DNASE1: variants seen among roughly 807,000 people sequenced by gnomAD.
DNASE1 encodes deoxyribonuclease 1.
DNASE1 carries 40 observed loss-of-function variants against 33.9 expected under a neutral mutation model. The ratio of observed to expected loss-of-function variants is 1.18; its 90% CI spans 0.92 to 1.54. The LOEUF (loss-of-function observed/expected upper bound fraction) is 1.54, where lower values mean the gene tolerates loss of function less well. Among genes scored for constraint, DNASE1 ranks in the 40% most tolerant of loss-of-function variants. DNASE1 has a pLI of 0.00. For synonymous variants in DNASE1, 216 were observed against 160.0 expected (o/e 1.35, Z -2.64); for missense variants, 518 against 372.6 (o/e 1.39, Z -3.21).
intron 1 of DNASE1, among the ~76,000 whole-genome samples, chr16:3,635,347 A>G (rs2041836937): frequency 6.6e-6 from 1 of 151,028 alleles, no homozygotes; most frequent in Non-Finnish European, 1.5e-5. Flanking sequence ...AATCCCAGCT[A>G]CTCAGGAGGC....
rs538444045 is a variant in DNASE1 at position 3,635,183 on chromosome 16, C to T, written c.-1358-5532C>T. On this transcript the variant is annotated intron_variant and NMD_transcript_variant, in intron 1 of 11. Coordinates refer to the DNASE1 transcript ENST00000570769. ...TTAAAAATAAGAAAAGTAGACCGGG[C>T]GTGGTGGCTTTTGCCTGTAATCCCA... is the stretch of plus-strand genomic sequence containing the variant. 2.5e-3 allele frequency among the ~76,000 whole-genome samples: 382 copies of T among 152,074 alleles called. 3 individuals carry two copies. Among genetic ancestry groups the T allele is most frequent in the African/African-American group, 8.9e-3 (370 of 41,488 alleles).
exon 10 of DNASE1, chr16:3,664,563 C>G (rs2050783178): frequency 7.9e-7 from 1 of 1,271,014 alleles, no homozygotes; most frequent in Non-Finnish European, 1.1e-6. Flanking sequence ...TCCTGGCACT[C>G]CAGGCTGGCC....
At chr16:3,630,691 A>T (rs2041670060) in intron 1 of DNASE1, among the ~76,000 whole-genome samples, 1 of 151,488 alleles carries the variant, frequency 6.6e-6, no homozygotes, top group South Asian at 2.1e-4. Flanking sequence ...ATGTTTTTCC[A>T]TCCTTTGACT....
intron 1 of DNASE1, among the ~76,000 whole-genome samples, chr16:3,615,044 T>A (rs2151151022): frequency 6.6e-6 from 1 of 152,250 alleles, no homozygotes; most frequent in African/African-American, 2.4e-5. Flanking sequence ...AACCTGAGAT[T>A]CTCAACTGAA....
At chr16:3,655,548 A>G (rs931600934) in intron 2 of DNASE1, 28 bp downstream of exon 2, 5 of 1,613,726 alleles carry the variant, frequency 3.1e-6, no homozygotes, top group Non-Finnish European at 4.2e-6. Context: ...TCCCCCCAAA[A>G]GCAGAGGAGC....
chr16:3,663,666 A>C (rs556127822), exon 10 of DNASE1: 1 of 1,455,736 alleles, frequency 6.9e-7, no homozygotes, highest in Admixed American at 2.0e-5. Context: ...AGCGGGCCAC[A>C]CTGGGGAACA....
chr16:3,658,817 G>C, downstream of DNASE1: 7 of 1,613,714 alleles, frequency 4.3e-6, no homozygotes, highest in Non-Finnish European at 5.9e-6. Flanking sequence ...GCTGAGCCAG[G>C]CCAGGCTCGC....
chr16:3,645,367 ACAT>A (rs2042142286), intron 1 of DNASE1, among the ~76,000 whole-genome samples: 1 of 152,206 alleles, frequency 6.6e-6, no homozygotes, highest in Non-Finnish European at 1.5e-5. Flanking sequence ...CTTGTTGGAA[ACAT>A]CAGCACACTG....
intron 1 of DNASE1, among the ~76,000 whole-genome samples, chr16:3,613,331 C>G (rs957291410): frequency 6.6e-6 from 1 of 152,146 alleles, no homozygotes; most frequent in East Asian, 1.9e-4. Flanking sequence ...TGCATAATCA[C>G]GTGTTTGGAT....
downstream of DNASE1, chr16:3,658,595 C>T: frequency 3.4e-6 from 2 of 596,788 alleles, no homozygotes; most frequent in South Asian, 2.1e-5. Context: ...ATTGCTTGAA[C>T]CCGGGAGGCA....
chr16:3,657,702 C>G lies in DNASE1; in HGVS notation c.705-18C>G, dbSNP rs200708151. On this transcript the variant is annotated intron_variant, in intron 7 of 8. Transcript: ENST00000246949. ...TGTGTGAAAGGGGAACCTACTTTCTCTTCCCAACACCCATCAGGATCGTGG... is the reference window on the plus strand; with the variant it reads ...TGTGTGAAAGGGGAACCTACTTTCTGTTCCCAACACCCATCAGGATCGTGG... 9.9e-6 allele frequency: 16 copies of G among 1,613,614 alleles called. No individual in the cohort carries two copies. Among genetic ancestry groups the G allele is most frequent in the Middle Eastern group, 1.7e-4 (1 of 5,952 alleles).
At chr16:3,627,608 T>C (rs970630365) in intron 1 of DNASE1, among the ~76,000 whole-genome samples, 10 of 152,178 alleles carry the variant, frequency 6.6e-5, no homozygotes, top group Non-Finnish European at 1.3e-4. Flanking sequence ...TGATATGATA[T>C]CCATGTTCTT....
upstream of DNASE1, among the ~76,000 whole-genome samples, chr16:3,638,017 C>T (rs1410136391): frequency 2.6e-5 from 4 of 151,924 alleles, no homozygotes; most frequent in African/African-American, 9.7e-5. Context: ...TCCTGACATG[C>T]CTCACTGAAG....
At chr16:3,663,616 A>G in exon 10 of DNASE1, 1 of 1,607,314 alleles carries the variant, frequency 6.2e-7, no homozygotes, top group Non-Finnish European at 8.5e-7. Flanking sequence ...CAGCCACCAC[A>G]GAAGAAAGGA....
intron 1 of DNASE1, among the ~76,000 whole-genome samples, chr16:3,613,313 T>G (rs902559978): frequency 6.6e-6 from 1 of 152,258 alleles, no homozygotes; most frequent in Non-Finnish European, 1.5e-5. Context: ...TGCATGCCTT[T>G]TCATGGCTGC....
chr16:3,641,743 T>C (rs1314323606), upstream of DNASE1, among the ~76,000 whole-genome samples: 1 of 152,100 alleles, frequency 6.6e-6, no homozygotes, highest in Non-Finnish European at 1.5e-5. Flanking sequence ...CCAGGGGAGC[T>C]TGGGGCCCAT....
intron 1 of DNASE1, among the ~76,000 whole-genome samples, chr16:3,622,621 T>A (rs1040298136): frequency 6.6e-6 from 1 of 152,108 alleles, no homozygotes; most frequent in Non-Finnish European, 1.5e-5. Flanking sequence ...CTTAAAAAAA[T>A]TTTTTTTCTT....
At chr16:3,613,908 A>ATTTT (rs200976238) in intron 1 of DNASE1, among the ~76,000 whole-genome samples, 1 of 113,138 alleles carries the variant, frequency 8.8e-6, no homozygotes, top group African/African-American at 3.7e-5. Flanking sequence ...CGCCTGGCTA[A>ATTTT]TTTTTTTTTT....
intron 1 of DNASE1, among the ~76,000 whole-genome samples, chr16:3,644,236 G>A (rs1373774081): frequency 6.6e-6 from 1 of 152,098 alleles, no homozygotes; most frequent in African/African-American, 2.4e-5. Flanking sequence ...ACCAGCCTGG[G>A]CAACACAGCA....
Sources: gnomAD v4.1 joint callset for allele counts (sites outside exome capture counted in the v4.1 genomes callset) on GRCh38, gnomAD v4.1.1 for gene constraint, MANE v1.5 for transcripts, NCBI Gene and HGNC (gene_info 2026-07-23, HGNC 2026-07-21) for gene names.